AGAP1: variants seen among roughly 807,000 people sequenced by gnomAD.
AGAP1 encodes the protein ArfGAP with GTPase domain, ankyrin repeat and PH domain 1.
A neutral mutation model predicts 105.3 loss-of-function variants in AGAP1; 29 were observed. The ratio of observed to expected loss-of-function variants is 0.28; its 90% CI spans 0.21 to 0.38. The LOEUF is 0.38. AGAP1 is among the 10% of genes least tolerant of loss of function. The probability of loss-of-function intolerance (pLI) is 1.00; values close to 1 mark genes in which losing one functional copy is unlikely to be tolerated. For synonymous variants in AGAP1, 509 were observed against 485.9 expected (o/e 1.05, Z -0.63); for missense variants, 998 against 1,165.1 (o/e 0.86, Z 2.09).
chr2:235,934,927 G>A lies in AGAP1; in HGVS notation c.1483+4004G>A, dbSNP rs2125176002. ...CACCCTAAATTAAGACTTTGGCTCT[G>A]GAGAACTTTTCAAAGTCTCCTCTCT... On this transcript the variant is annotated intron_variant, in intron 12 of 17. Transcript: ENST00000304032. The surrounding 1 kb of genome is among the most constrained non-coding windows in gnomAD (Gnocchi z 4.9). Among the ~76,000 whole-genome samples, 1 of 152,206 alleles carries A rather than the reference G, an allele frequency of 6.6e-6. No homozygotes were observed. The highest frequency in any genetic ancestry group is 1.9e-4 in the East Asian group (1 of 5,170).
In AGAP1 at chr2:235,919,856, C is replaced by A. The variant is rs560203635; in HGVS notation, c.1325-10909C>A. On this transcript the variant is annotated intron_variant, in intron 11 of 17. Transcript: ENST00000304032. This position sits in a 1 kb window ranked among gnomAD's most constrained non-coding sequence, Gnocchi z 4.1. ...TCACAATGCTTACACCCCTCATCCT[C>A]GCTGTTGCATCAGCTTGTCCATATA... Among the ~76,000 whole-genome samples, 5 of 152,286 alleles carry A rather than the reference C, an allele frequency of 3.3e-5. No individual in the cohort carries two copies. The East Asian group carries it at 5.8e-4, about 18-fold the overall frequency.
chr2:235,829,890 T>C (rs1959199282), intron 9 of AGAP1, among the ~76,000 whole-genome samples: 3 of 151,214 alleles, frequency 2.0e-5, no homozygotes, highest in Non-Finnish European at 4.4e-5. Context: ...CAATAGAGAG[T>C]GGGTGTCAGT....
At chr2:236,107,782 G>A (rs1229144792) in intron 16 of AGAP1, among the ~76,000 whole-genome samples, 5 of 152,172 alleles carry the variant, frequency 3.3e-5, no homozygotes, top group South Asian at 2.1e-4. Flanking sequence ...CTCCTGGGCC[G>A]CCTGGGGCCT....
rs1559198764 is a variant in AGAP1 at position 236,021,282 on chromosome 2, CCTT to C, written c.1646-15278_1646-15276del. On this transcript the variant is annotated intron_variant, in intron 13 of 17. Transcript: ENST00000304032. ...AGATTGCTCATTTTTCTAGCCCCCT[CCTT>C]TTGAAAGGATGACAGTCTTGGGTAT... 2.0e-5 allele frequency among the ~76,000 whole-genome samples: 3 copies of C among 152,206 alleles called. No individual in the cohort carries two copies. In the South Asian group the frequency reaches 6.2e-4, roughly 32 times the overall value.
chr2:235,878,545 T>G (rs1402756196), intron 9 of AGAP1, among the ~76,000 whole-genome samples: 2 of 152,184 alleles, frequency 1.3e-5, no homozygotes, highest in East Asian at 3.9e-4. Flanking sequence ...CTAGTCGGGT[T>G]GAGATTTCTT....
intron 1 of AGAP1, among the ~76,000 whole-genome samples, chr2:235,649,334 T>C (rs1309553504): frequency 1.3e-5 from 2 of 152,154 alleles, no homozygotes; most frequent in Non-Finnish European, 2.9e-5. Flanking sequence ...TTCAATTCCG[T>C]GGGGCCAAGC....
chr2:235,799,093 C>T lies in AGAP1; in HGVS notation c.802-274C>T, dbSNP rs549899537. Among the ~76,000 whole-genome samples, 1 of 152,218 alleles carries T rather than the reference C, an allele frequency of 6.6e-6. No homozygotes were observed. The highest frequency in any genetic ancestry group is 2.4e-5 in the African/African-American group (1 of 41,514). ...AAGAGAAAATAATCAAATTTGAACT[C>T]TCAGAAATCTTTTAAGTTAAATGAA... On this transcript the variant is annotated intron_variant, in intron 7 of 17. Coordinates refer to ENST00000304032, the MANE Select transcript of AGAP1 (RefSeq NM_001037131.3). This position sits in a 1 kb window ranked among gnomAD's most constrained non-coding sequence, Gnocchi z 5.0.
intron 6 of AGAP1, among the ~76,000 whole-genome samples, chr2:235,756,695 C>T (rs1953953515): frequency 6.6e-6 from 1 of 152,308 alleles, no homozygotes; most frequent in Admixed American, 6.5e-5. Context: ...GTGAGCATTA[C>T]TCCCCGAGCT....
At chr2:235,602,195 A>G (rs1022220588) in intron 1 of AGAP1, among the ~76,000 whole-genome samples, 1 of 152,200 alleles carries the variant, frequency 6.6e-6, no homozygotes, top group African/African-American at 2.4e-5. Context: ...GTGCATGACA[A>G]TGATATGAAA....
chr2:235,777,588 T>G lies in AGAP1; in HGVS notation c.674-20171T>G, dbSNP rs537095727. Among the ~76,000 whole-genome samples, 2 of 152,332 alleles carry G rather than the reference T, an allele frequency of 1.3e-5. No homozygotes were observed. Among genetic ancestry groups the G allele is most frequent in the Non-Finnish European group, 2.9e-5 (2 of 68,024 alleles). On this transcript the variant is annotated intron_variant, in intron 6 of 17. Coordinates refer to ENST00000304032, the MANE Select transcript of AGAP1 (RefSeq NM_001037131.3). The surrounding 1 kb of genome is among the most constrained non-coding windows in gnomAD (Gnocchi z 5.1). ...GTTGCCATAGAGGACGAGTCACAGC[T>G]GTCTCACCTGCACCCCTCCAATCGC...
intron 9 of AGAP1, among the ~76,000 whole-genome samples, chr2:235,814,947 T>A (rs1958366106): frequency 6.6e-6 from 1 of 151,954 alleles, no homozygotes; most frequent in African/African-American, 2.4e-5. Context: ...CCGCACGGAG[T>A]GGATCTCCCT....
At position 235,750,178 on chromosome 2, in the gene AGAP1, T is replaced by G. The variant is rs1422755969; in HGVS notation, c.539-176T>G. 1.3e-5 allele frequency among the ~76,000 whole-genome samples: 2 copies of G among 152,226 alleles called. No individual in the cohort carries two copies. The highest frequency in any genetic ancestry group is 1.5e-5 in the Non-Finnish European group (1 of 68,038). On this transcript the variant is annotated intron_variant, in intron 5 of 17. Transcript: ENST00000304032. This position sits in a 1 kb window ranked among gnomAD's most constrained non-coding sequence, Gnocchi z 5.3. ...AACAAATATCTACGAATGAATAACTTTCTCTTGTGTTTGAGTCTCTTAGTT... is the reference window on the plus strand; with the variant it reads ...AACAAATATCTACGAATGAATAACTGTCTCTTGTGTTTGAGTCTCTTAGTT...
At chr2:235,935,697 T>A (rs2052954003) in intron 12 of AGAP1, among the ~76,000 whole-genome samples, 1 of 152,236 alleles carries the variant, frequency 6.6e-6, no homozygotes, top group South Asian at 2.1e-4. Context: ...AGAACAATTA[T>A]CTCTGCAACA....
rs143690192 is a variant in AGAP1 at position 235,998,640 on chromosome 2, G to A, written c.1645+30017G>A. Among the ~76,000 whole-genome samples, 53 of 152,320 alleles carry A rather than the reference G, an allele frequency of 3.5e-4. 1 individual carries two copies. Among genetic ancestry groups the A allele is most frequent in the East Asian group, 1.5e-3 (8 of 5,188 alleles). ...CTCAGCAAAAGTTAGGGATGGTGACGGTGATGATGGTGAGAGGTGGTGGTG... is the reference window on the plus strand; with the variant it reads ...CTCAGCAAAAGTTAGGGATGGTGACAGTGATGATGGTGAGAGGTGGTGGTG... On this transcript the variant is annotated intron_variant, in intron 13 of 17. Transcript: ENST00000304032.
chr2:236,027,947 C>A lies in AGAP1; in HGVS notation c.1646-8614C>A, dbSNP rs1406662486. Among the ~76,000 whole-genome samples, 1 of 152,096 alleles carries A rather than the reference C, an allele frequency of 6.6e-6. No individual in the cohort carries two copies. Among genetic ancestry groups the A allele is most frequent in the Non-Finnish European group, 1.5e-5 (1 of 68,024 alleles). On this transcript the variant is annotated intron_variant, in intron 13 of 17. Transcript: ENST00000304032. This position sits in a 1 kb window ranked among gnomAD's most constrained non-coding sequence, Gnocchi z 4.4. The stretch of plus-strand genomic sequence containing the variant: ...CACACTATCACAGAGCTGTTGGTCC[C>A]GGGGATTGCGATTCGTGTCTTTATT...
rs1161881915 is a variant in AGAP1, at chr2:235,689,241, G to A, written c.164-19938G>A. On this transcript the variant is annotated intron_variant, in intron 1 of 17. Coordinates refer to ENST00000304032, the MANE Select transcript of AGAP1 (RefSeq NM_001037131.3). The surrounding 1 kb of genome is among the most constrained non-coding windows in gnomAD (Gnocchi z 4.2). ...TGGACACTCTTCATTCGCTAGCACC[G>A]AGATGGTTCAGGGCACTTTGGAGCT... Among the ~76,000 whole-genome samples the A allele has an allele frequency of 2.0e-5, 3 of 152,172 alleles. No individual in the cohort carries two copies. The highest frequency in any genetic ancestry group is 6.5e-5 in the Admixed American group (1 of 15,286).
Position 235,569,294 on chromosome 2 carries a change from G to A in AGAP1, c.163+74445G>A, listed in dbSNP as rs182536792. On this transcript the variant is annotated intron_variant, in intron 1 of 17. Transcript: ENST00000304032. This position sits in a 1 kb window ranked among gnomAD's most constrained non-coding sequence, Gnocchi z 5.9. ...CACGCCATTGCACTCCAGCCTGGGC[G>A]ACAGAGCGAGACACCATCTCAAAAA... Among the ~76,000 whole-genome samples the A allele has an allele frequency of 2.4e-4, 37 of 152,248 alleles. 1 individual carries two copies. Among genetic ancestry groups the A allele is most frequent in the Admixed American group, 1.9e-3 (29 of 15,296 alleles).
At chr2:235,506,309 G>A (rs1941807853) in intron 1 of AGAP1, among the ~76,000 whole-genome samples, 1 of 152,098 alleles carries the variant, frequency 6.6e-6, no homozygotes, top group Admixed American at 6.5e-5. Flanking sequence ...GCTAATGCTT[G>A]TAATCTCAGC....
chr2:236,130,326 C>T lies in AGAP1; in HGVS notation c.*6204C>T, dbSNP rs1212352630. 1 of 151,798 alleles carries T rather than the reference C, an allele frequency of 6.6e-6. No homozygotes were observed. Among genetic ancestry groups the T allele is most frequent in the Admixed American group, 6.6e-5 (1 of 15,190 alleles). The allele number at this position is 151,798 out of a possible 1,614,324, so 9.4% of individuals were successfully genotyped here. A position where few individuals can be genotyped will look rare whatever the true frequency, so the allele number is the denominator to read the frequency against. ...AAACCATATGATAGAGACTCCTTGT[C>T]GAAGTCCACATCGGACTGATCTAGA... is the stretch of plus-strand genomic sequence containing the variant. On this transcript the variant is annotated 3_prime_UTR_variant, in exon 18 of 18. Coordinates refer to ENST00000304032, the MANE Select transcript of AGAP1 (RefSeq NM_001037131.3). The surrounding 1 kb of genome is among the most constrained non-coding windows in gnomAD (Gnocchi z 5.8).
Sources: gnomAD v4.1 joint callset for allele counts (sites outside exome capture counted in the v4.1 genomes callset) on GRCh38, gnomAD v4.1.1 for gene constraint, Gnocchi (gnomAD v3.1) non-coding constraint, MANE v1.5 for transcripts, NCBI Gene and HGNC (gene_info 2026-07-23, HGNC 2026-07-21) for gene names.